KNDC1: variants seen among roughly 807,000 people sequenced by gnomAD.
The protein encoded by KNDC1 is kinase non-catalytic C-lobe domain-containing protein 1.
Under a neutral mutation model 172.8 loss-of-function variants are expected in KNDC1, and 106 were observed. That is an observed-to-expected ratio of 0.61 (90% CI 0.52 to 0.72). KNDC1 has a LOEUF of 0.72. KNDC1 is among the 30% of genes least tolerant of loss of function. The probability of loss-of-function intolerance (pLI) is 0.00; values close to 1 mark genes in which losing one functional copy is unlikely to be tolerated. For missense variants in KNDC1, 2,325 were observed against 2,394.5 expected, an observed-to-expected ratio of 0.97 and a Z score of 0.61; for synonymous variants, 1,083 against 1,062.2, an observed-to-expected ratio of 1.02 and a Z score of -0.38.
chr10:133,177,365 G>C (rs1034733126), intron 3 of KNDC1, among the ~76,000 whole-genome samples: 2 of 152,158 alleles, frequency 1.3e-5, no homozygotes, highest in African/African-American at 4.8e-5. Flanking sequence ...TGCTATGTCT[G>C]TGGGTTGTGC....
Position 133,166,512 on chromosome 10 carries a change from ATGTG to A in KNDC1, c.103-864_103-861del, listed in dbSNP as rs146323372. Among the ~76,000 whole-genome samples, 36 of 152,012 alleles carry A rather than the reference ATGTG, an allele frequency of 2.4e-4. No individual in the cohort carries two copies. The East Asian group carries it at 3.9e-3, about 16-fold the overall frequency. On this transcript the variant is annotated intron_variant, in intron 1 of 29. Transcript: ENST00000304613. ...AGGCATGTGTGCGGTGGCATGTAGT[ATGTG>A]TGTGAGTGTGAGGTGTGTGTGTGTA...
chr10:133,168,917 G>T (rs567518057), intron 3 of KNDC1, among the ~76,000 whole-genome samples: 1 of 152,214 alleles, frequency 6.6e-6, no homozygotes, highest in South Asian at 2.1e-4. Flanking sequence ...GCAGCCCAGC[G>T]CCTTGAGGTC....
Position 133,194,138 on chromosome 10 carries a change from C to G in KNDC1, c.1576-1525C>G, listed in dbSNP as rs74823514. Among the ~76,000 whole-genome samples, 6 of 152,140 alleles carry G rather than the reference C, an allele frequency of 3.9e-5. No individual in the cohort carries two copies. In the East Asian group the frequency reaches 9.6e-4, roughly 24 times the overall value. On this transcript the variant is annotated intron_variant, in intron 9 of 29. Transcript: ENST00000304613. ...AGAATCCACATTCTTCTCAGTTGCC[C>G]CACTGACTATACACCAAGCTAGACC...
chr10:133,221,778 GTTAAAAAC>G (rs1036643384), intron 29 of KNDC1, among the ~76,000 whole-genome samples: 7 of 152,246 alleles, frequency 4.6e-5, no homozygotes, highest in African/African-American at 1.4e-4. Context: ...CAAAAGAGAA[GTTAAAAAC>G]TTAAGGTAGG....
In KNDC1 at chr10:133,219,097, G is replaced by C. The variant is rs201040079; in HGVS notation, c.4860+7G>C. The C allele has an allele frequency of 2.5e-6, 4 of 1,613,156 alleles. No individual in the cohort carries two copies. The East Asian group carries it at 6.7e-5, about 27-fold the overall frequency. On this transcript the variant is annotated splice_region_variant and intron_variant, in intron 28 of 29. Transcript: ENST00000304613. ...GGAGCTGAAAGCCGTGGAGGTACCA[G>C]CACTTTACGTGGCCGGGCGGCTTTG...
rs757982862 is a variant in KNDC1 at position 133,198,950 on chromosome 10, C to A, written c.2442C>A (p.Asp814Glu). 6.5e-7 allele frequency: 1 copy of A among 1,546,528 alleles called. No homozygotes were observed. Among genetic ancestry groups the A allele is most frequent in the Admixed American group, 1.9e-5 (1 of 51,426 alleles). The stretch of plus-strand genomic sequence containing the variant: ...TTGCTTCCGGGGGCCTCAGGCCCGA[C>A]GCCCTGGGGCCCACCACGGCCCACC... ...PGVASGGLRP[D>E]ALGPTTAHHG... Residue 814 changes from aspartate (D) to glutamate (E), a missense_variant, in exon 14 of 30, where the codon GAC (aspartate) becomes GAA (glutamate). Physicochemically the swap from Asp to Glu is conservative, Grantham distance 45. Coordinates refer to ENST00000304613, the MANE Select transcript of KNDC1 (RefSeq NM_152643.8).
Position 133,181,832 on chromosome 10 carries a change from G to A in KNDC1, c.361-1512G>A, listed in dbSNP as rs570306747. On this transcript the variant is annotated intron_variant, in intron 3 of 29. Transcript: ENST00000304613. ...GTCCAGACCAGGAAGCCCCAGGACC[G>A]TCCACACACACACACACACACACAC... is the stretch of plus-strand genomic sequence containing the variant. Among the ~76,000 whole-genome samples, 14 of 42,896 alleles carry A rather than the reference G, an allele frequency of 3.3e-4. No individual in the cohort carries two copies. The East Asian group carries it at 3.6e-3, about 11-fold the overall frequency. 28.1% of individuals were successfully genotyped at this position (42,896 alleles called of 152,430 possible).
At chr10:133,200,594 G>A (rs1854335664) in intron 16 of KNDC1, 134 bp downstream of exon 16, 1 of 702,730 alleles carries the variant, frequency 1.4e-6, no homozygotes, top group African/African-American at 1.9e-5. Context: ...TTGCCCCGGG[G>A]GTGCCCAGCC....
At chr10:133,167,291 C>A in intron 1 of KNDC1, 90 bp from the exon 2 acceptor site, 1 of 1,275,134 alleles carries the variant, frequency 7.8e-7, no homozygotes, top group Non-Finnish European at 1.1e-6. Context: ...TGCCACGAGT[C>A]GTCCGTTTCC....
At position 133,198,423 on chromosome 10, in the gene KNDC1, C is replaced by A; in HGVS notation, c.1993C>A (p.Gln665Lys). Residue 665 changes from glutamine to lysine, a missense_variant, in exon 13 of 30, where the codon CAG becomes AAG. Physicochemically the swap from Gln to Lys is moderately conservative, Grantham distance 53. Transcript: ENST00000304613. ...GCACCCCTGCGGTGAAGAAGCCACC[C>A]AGCTGCCTGCAGCGTTCACCTCCGA... is the stretch of plus-strand genomic sequence containing the variant. Reference protein sequence around the residue: ...GQHPCGEEATQLPAAFTSEAT... With the variant: ...GQHPCGEEATKLPAAFTSEAT... The A allele has an allele frequency of 6.2e-7, 1 of 1,601,548 alleles. No homozygotes were observed. Among genetic ancestry groups the A allele is most frequent in the Non-Finnish European group, 8.5e-7 (1 of 1,174,734 alleles).
intron 15 of KNDC1, 83 bp downstream of exon 15, chr10:133,199,685 C>A: frequency 1.4e-6 from 2 of 1,478,346 alleles, no homozygotes; most frequent in East Asian, 2.3e-5. Context: ...CCGGGCCCAG[C>A]CTTCCCCTCC....
At chr10:133,186,961 C>A (rs768158236) in intron 6 of KNDC1, among the ~76,000 whole-genome samples, 1 of 152,186 alleles carries the variant, frequency 6.6e-6, no homozygotes, top group Non-Finnish European at 1.5e-5. Context: ...CAGCCCCGCA[C>A]GGCCGTCCCG....
intron 1 of KNDC1, among the ~76,000 whole-genome samples, chr10:133,162,510 A>C (rs1347021468): frequency 2.0e-5 from 3 of 152,232 alleles, no homozygotes; most frequent in Non-Finnish European, 4.4e-5. Flanking sequence ...TGATGGGGTC[A>C]AGAAATAGAC....
intron 26 of KNDC1, among the ~76,000 whole-genome samples, chr10:133,214,535 C>T (rs977534965): frequency 1.1e-4 from 17 of 152,298 alleles, no homozygotes; most frequent in African/African-American, 2.9e-4. Flanking sequence ...GAGTCCCTCA[C>T]GCACCACCCC....
chr10:133,161,355 T>C (rs1393916186), intron 1 of KNDC1, among the ~76,000 whole-genome samples: 4 of 152,086 alleles, frequency 2.6e-5, no homozygotes, highest in African/African-American at 9.7e-5. Flanking sequence ...GCTGGGCGCC[T>C]GCGTCTCCGG....
At chr10:133,222,490 GGTGTGT>G (rs372988806) in intron 29 of KNDC1, among the ~76,000 whole-genome samples, 1,067 of 21,722 alleles carry the variant, frequency 0.049, 25 homozygotes, top group Non-Finnish European at 0.077. Context: ...TGCTCTTCCC[GGTGTGT>G]GTGTGTGTGT....
chr10:133,196,437 G>A (rs1278692037), intron 10 of KNDC1, among the ~76,000 whole-genome samples: 1 of 152,018 alleles, frequency 6.6e-6, no homozygotes, highest in African/African-American at 2.4e-5. Context: ...AGCTGGGTGT[G>A]GGTGATCAGG....
chr10:133,208,589 C>G lies in KNDC1; in HGVS notation c.3794+1238C>G, dbSNP rs1845275759. On this transcript the variant is annotated intron_variant, in intron 20 of 29. Coordinates refer to ENST00000304613, the MANE Select transcript of KNDC1 (RefSeq NM_152643.8). ...TCTAGAGAGGGACGTGGCCCCACCT[C>G]CGACCCCGTTCTCCCAAGGTGAGCT... Among the ~76,000 whole-genome samples the G allele has an allele frequency of 1.3e-5, 2 of 151,948 alleles. 1 individual carries two copies. Among genetic ancestry groups the G allele is most frequent in the African/African-American group, 4.8e-5 (2 of 41,372 alleles).
Position 133,188,657 on chromosome 10 carries a change from A to G in KNDC1, c.1441+4A>G. 6.4e-7 allele frequency: 1 copy of G among 1,552,166 alleles called. No individual in the cohort carries two copies. Among genetic ancestry groups the G allele is most frequent in the Non-Finnish European group, 8.7e-7 (1 of 1,148,296 alleles). ...CAGACACGCCCTGAGCACCCAGGTGACGCACGCACCATCCCATCCCCCCCG... is the reference window on the plus strand; with the variant it reads ...CAGACACGCCCTGAGCACCCAGGTGGCGCACGCACCATCCCATCCCCCCCG... On this transcript the variant is annotated splice_donor_region_variant and intron_variant, in intron 7 of 29. Coordinates refer to ENST00000304613, the MANE Select transcript of KNDC1 (RefSeq NM_152643.8).
Sources: allele counts gnomAD v4.1 joint callset (sites outside exome capture counted in the v4.1 genomes callset), GRCh38; gene constraint gnomAD v4.1.1; transcripts MANE v1.5; gene names NCBI Gene and HGNC (gene_info 2026-07-23, HGNC 2026-07-21).